PTPRG: variants seen among roughly 807,000 people sequenced by gnomAD.
PTPRG encodes the protein receptor-type tyrosine-protein phosphatase gamma.
PTPRG carries 102 observed loss-of-function variants against 165.3 expected under a neutral mutation model. That is an observed-to-expected ratio of 0.62 (90% confidence interval 0.53 to 0.73). PTPRG has a LOEUF of 0.73. Among genes scored for constraint, PTPRG ranks in the 30% least tolerant of loss-of-function variants. The probability of loss-of-function intolerance (pLI) is 0.00; values close to 1 mark genes in which losing one functional copy is unlikely to be tolerated. For missense variants in PTPRG, 1,866 were observed against 1,861.4 expected (o/e 1.00, Z -0.05); for synonymous variants, 675 against 669.5 (o/e 1.01, Z -0.13).
At chr3:61,871,118 A>ATGTTGTGTTGTGTTG (rs2037559740) in intron 2 of PTPRG, among the ~76,000 whole-genome samples, 1 of 106,196 alleles carries the variant, frequency 9.4e-6, no homozygotes, top group Admixed American at 8.9e-5. Context: ...CTGTTATGTT[A>ATGTTGTGTTGTGTTG]TGTTATGTTA....
chr3:61,833,467 G>A (rs980626196), intron 2 of PTPRG, among the ~76,000 whole-genome samples: 3 of 152,304 alleles, frequency 2.0e-5, no homozygotes, highest in Admixed American at 6.5e-5. Context: ...GAGTCCCTGC[G>A]AGGATGTAGT....
chr3:61,670,628 T>C (rs1702947923), intron 1 of PTPRG, among the ~76,000 whole-genome samples: 1 of 152,100 alleles, frequency 6.6e-6, no homozygotes, highest in Non-Finnish European at 1.5e-5. Context: ...TGACACGAAA[T>C]AGAAACCTTC....
At chr3:61,939,161 T>C (rs1183520750) in intron 2 of PTPRG, among the ~76,000 whole-genome samples, 1 of 152,190 alleles carries the variant, frequency 6.6e-6, no homozygotes, top group African/African-American at 2.4e-5. Flanking sequence ...GTAGTGTGTT[T>C]AGGAGCAGTT....
At chr3:62,220,007 T>A (rs1700611964) in intron 13 of PTPRG, among the ~76,000 whole-genome samples, 1 of 152,154 alleles carries the variant, frequency 6.6e-6, no homozygotes, top group Non-Finnish European at 1.5e-5. Flanking sequence ...AAGGAGATGA[T>A]ACCTGAGCAA....
At chr3:61,705,172 C>T (rs2031183408) in intron 1 of PTPRG, among the ~76,000 whole-genome samples, 2 of 152,202 alleles carry the variant, frequency 1.3e-5, no homozygotes, top group African/African-American at 4.8e-5. Context: ...CATAGGCATC[C>T]ACCACGAAGG....
intron 2 of PTPRG, among the ~76,000 whole-genome samples, chr3:61,904,643 T>G (rs1242320292): frequency 3.3e-5 from 5 of 152,208 alleles, no homozygotes; most frequent in African/African-American, 1.2e-4. Flanking sequence ...CTGGGGTTTT[T>G]CACTACATTT....
At chr3:61,680,153 C>T (rs1703380904) in intron 1 of PTPRG, among the ~76,000 whole-genome samples, 1 of 152,096 alleles carries the variant, frequency 6.6e-6, no homozygotes, top group South Asian at 2.1e-4. Context: ...ACGGGCAACC[C>T]AATAGGATGG....
At position 61,877,904 on chromosome 3, in the gene PTPRG, T is replaced by G. The variant is rs79166711; in HGVS notation, c.191-111721T>G. 5.4e-3 allele frequency among the ~76,000 whole-genome samples: 822 copies of G among 152,310 alleles called. 8 individuals are homozygous for G. The highest frequency in any genetic ancestry group is 0.017 in the African/African-American group (725 of 41,562). ...AGAAGGCCAGCATAATTACTCAGAG[T>G]ACAGTAAATGTCCCTATCATTCTTT... On this transcript the variant is annotated intron_variant, in intron 2 of 29. Coordinates refer to ENST00000474889, the MANE Select transcript of PTPRG (RefSeq NM_002841.4).
At chr3:62,033,360 CATTTT>C (rs755913589) in intron 4 of PTPRG, among the ~76,000 whole-genome samples, 4 of 126,450 alleles carry the variant, frequency 3.2e-5, no homozygotes, top group African/African-American at 3.3e-5. Context: ...GCTCCCTATA[CATTTT>C]TTTTTTTTTT....
chr3:62,120,562 C>G (rs1231412477), intron 5 of PTPRG, among the ~76,000 whole-genome samples: 1 of 138,428 alleles, frequency 7.2e-6, no homozygotes, highest in Admixed American at 7.3e-5. Context: ...ACCAGCCTGG[C>G]CAACATGGTT....
At chr3:62,242,673 C>T (rs1368169194) in intron 14 of PTPRG, among the ~76,000 whole-genome samples, 1 of 152,174 alleles carries the variant, frequency 6.6e-6, no homozygotes, top group Non-Finnish European at 1.5e-5. Context: ...CTCTAACCTT[C>T]CCAACCCTAG....
In PTPRG at chr3:61,653,903, G is replaced by GGGGGGT. The variant is rs56696186; in HGVS notation, c.85+91533_85+91534insGGGTGG. ...AGGTTGTTAAGCGGGGAGCGGTGGG[G>GGGGGGT]GGCGCGGGGAACTGTAAGGGAACAT... is the stretch of plus-strand genomic sequence containing the variant. On this transcript the variant is annotated intron_variant, in intron 1 of 29. Transcript: ENST00000474889. Among the ~76,000 whole-genome samples, 106 of 137,902 alleles carry GGGGGGT rather than the reference G, an allele frequency of 7.7e-4. 3 individuals carry two copies. Among genetic ancestry groups the GGGGGGT allele is most frequent in the Middle Eastern group, 7.8e-3 (2 of 256 alleles). The allele number at this position is 137,902 out of a possible 152,430, so 90.5% of individuals were successfully genotyped here.
rs557082460 is a variant in PTPRG at position 62,131,163 on chromosome 3, C to A, written c.616-1439C>A. Among the ~76,000 whole-genome samples, 17 of 152,326 alleles carry A rather than the reference C, an allele frequency of 1.1e-4. 1 individual carries two copies. The South Asian group carries it at 2.7e-3, about 24-fold the overall frequency. On this transcript the variant is annotated intron_variant, in intron 5 of 29. Coordinates refer to ENST00000474889, the MANE Select transcript of PTPRG (RefSeq NM_002841.4). ...AGAAAAGATATTGTAGAGAGCTATT[C>A]TGAGCATTATAGGATGTTTAGCAGC...
At chr3:61,740,284 T>C (rs1248749877) in intron 1 of PTPRG, among the ~76,000 whole-genome samples, 3 of 152,166 alleles carry the variant, frequency 2.0e-5, no homozygotes, top group Admixed American at 1.3e-4. Flanking sequence ...AGAGTAGTCA[T>C]TTTATTTCTG....
chr3:61,836,372 T>A (rs1266592290), intron 2 of PTPRG, among the ~76,000 whole-genome samples: 1 of 152,208 alleles, frequency 6.6e-6, no homozygotes, highest in East Asian at 1.9e-4. Context: ...GTTGAAGTAA[T>A]GCAGTTTAAA....
intron 1 of PTPRG, among the ~76,000 whole-genome samples, chr3:61,646,996 T>C (rs1702217949): frequency 6.6e-6 from 1 of 152,232 alleles, no homozygotes; most frequent in African/African-American, 2.4e-5. Context: ...AGTTTGTTTA[T>C]CCGTTCATCT....
At chr3:61,621,051 A>ATATATATATATG in intron 1 of PTPRG, among the ~76,000 whole-genome samples, 2 of 117,996 alleles carry the variant, frequency 1.7e-5, no homozygotes, top group Admixed American at 9.4e-5. Flanking sequence ...ATATATATAT[A>ATATATATATATG]TGTGTGTGTG....
intron 1 of PTPRG, among the ~76,000 whole-genome samples, chr3:61,713,549 G>C (rs2031667249): frequency 6.6e-6 from 1 of 151,970 alleles, no homozygotes; most frequent in East Asian, 1.9e-4. Flanking sequence ...TAGAGAATGA[G>C]GCAGATAAAA....
At chr3:61,838,144 G>C (rs145280541) in intron 2 of PTPRG, among the ~76,000 whole-genome samples, 12 of 152,322 alleles carry the variant, frequency 7.9e-5, no homozygotes, top group African/African-American at 2.9e-4. Flanking sequence ...GTGAATGGGA[G>C]GGAACTGGGC....
Sources: gnomAD v4.1 joint callset for allele counts (sites outside exome capture counted in the v4.1 genomes callset) on GRCh38, gnomAD v4.1.1 for gene constraint, MANE v1.5 for transcripts, NCBI Gene and HGNC (gene_info 2026-07-23, HGNC 2026-07-21) for gene names.